The following RP1L1 variants were observed in gnomAD, a reference collection of about 807,000 sequenced individuals.
The protein encoded by RP1L1 is retinitis pigmentosa 1-like 1 protein.
Under a neutral mutation model 15.7 loss-of-function variants are expected in RP1L1, and 27 were observed. That is an observed-to-expected ratio of 1.72 (90% CI 1.27 to 2.38). The LOEUF (loss-of-function observed/expected upper bound fraction) is 2.38, where lower values mean the gene tolerates loss of function less well. Among genes scored for constraint, RP1L1 ranks in the 30% most tolerant of loss-of-function variants. The probability of loss-of-function intolerance (pLI) is 0.00; values close to 1 mark genes in which losing one functional copy is unlikely to be tolerated. For missense variants in RP1L1, 4,798 were observed against 3,075.9 expected (o/e 1.56, Z -13.24); for synonymous variants, 1,813 against 1,276.7 (o/e 1.42, Z -8.96).
intron 2 of RP1L1, among the ~76,000 whole-genome samples, chr8:10,622,077 T>C (rs188619230): frequency 3.5e-4 from 53 of 152,008 alleles, no homozygotes; most frequent in African/African-American, 1.0e-3. Flanking sequence ...ATCCCAGCAC[T>C]TTGGGAGGCC....
chr8:10,612,624 C>G lies in RP1L1; in HGVS notation c.1474G>C (p.Glu492Gln). Residue 492 changes from glutamate to glutamine, a missense_variant, in exon 4 of 4, where the codon GAG becomes CAG. Glu to Gln is a conservative substitution (Grantham distance 29, BLOSUM62 2). Transcript: ENST00000382483. ...CCCAGGCTCCCTCCAGCTTTCCGCT[C>G]AGCCCCTATCTGGGCAGAGGGGCTG... ...SASPSAQIGA[E>Q]RKAGGSLGED... 1 of 1,602,290 alleles carries G rather than the reference C, an allele frequency of 6.2e-7. No homozygotes were observed. The highest frequency in any genetic ancestry group is 8.5e-7 in the Non-Finnish European group (1 of 1,179,340).
At position 10,608,013 on chromosome 8, in the gene RP1L1, A is replaced by T. The variant is rs776017015; in HGVS notation, c.6085T>A (p.Ser2029Thr). 3.2e-6 allele frequency: 5 copies of T among 1,580,842 alleles called. No homozygotes were observed. In the South Asian group the frequency reaches 4.4e-5, roughly 14 times the overall value. The part of the protein sequence containing the change: ...ESDGVEAQPK[S>T]EGEEAQEVEG... ...ACCTCCTGGGCCTCTTCACCTTCTG[A>T]CTTTGGCTGGGCCTCTACACCGTCT... Residue 2029 changes from serine (S) to threonine (T), a missense_variant, in exon 4 of 4, where the codon TCA (serine) becomes ACA (threonine). Physicochemically the swap from Ser to Thr is moderately conservative, Grantham distance 58. Transcript: ENST00000382483.
At chr8:10,616,374 G>A (rs983957537) in intron 3 of RP1L1, 72 bp downstream of exon 3, 16 of 1,596,824 alleles carry the variant, frequency 1.0e-5, no homozygotes, top group African/African-American at 1.3e-5. Flanking sequence ...TTACCTGGAA[G>A]GCTTTCCACT....
chr8:10,610,557 G>C lies in RP1L1; in HGVS notation c.3541C>G (p.Leu1181Val). 6.2e-7 allele frequency: 1 copy of C among 1,613,720 alleles called. No homozygotes were observed. The highest frequency in any genetic ancestry group is 8.5e-7 in the Non-Finnish European group (1 of 1,180,030). The change falls in exon 4 of 4, where the codon CTG becomes GTG. Residue 1181 changes from leucine (L) to valine (V), a missense_variant. By Grantham distance (32) the Leu-to-Val change is conservative. Transcript: ENST00000382483. ...ATGGCATGGGACCCAAGGTCTGGCA[G>C]AGCCTGGCTCCATGTGAGCTCCCAG... is the stretch of plus-strand genomic sequence containing the variant. ...GLWELTWSQA[L>V]PDLGSHAMTE...
chr8:10,613,744 TG>T (rs1182167426), intron 3 of RP1L1, among the ~76,000 whole-genome samples: 1 of 151,488 alleles, frequency 6.6e-6, no homozygotes, highest in East Asian at 1.9e-4. Flanking sequence ...CAGTGAGCTA[TG>T]CACCACTGCG....
chr8:10,622,367 A>G (rs1317607168), intron 2 of RP1L1, among the ~76,000 whole-genome samples: 1 of 151,542 alleles, frequency 6.6e-6, no homozygotes, highest in South Asian at 2.1e-4. Flanking sequence ...ACACAGGCAC[A>G]ATGCCTGCCA....
intron 2 of RP1L1, among the ~76,000 whole-genome samples, chr8:10,618,657 A>G (rs1798009753): frequency 6.6e-6 from 1 of 152,142 alleles, no homozygotes. Flanking sequence ...GGGCCACAGC[A>G]CTCCAAACTG....
chr8:10,614,810 G>C (rs1797939565), intron 3 of RP1L1, among the ~76,000 whole-genome samples: 1 of 151,640 alleles, frequency 6.6e-6, no homozygotes, highest in Admixed American at 6.6e-5. Flanking sequence ...AGCATTAGGA[G>C]ATATACCTAA....
intron 1 of RP1L1, among the ~76,000 whole-genome samples, chr8:10,648,329 G>C (rs1410463516): frequency 6.6e-6 from 1 of 152,076 alleles, no homozygotes; most frequent in African/African-American, 2.4e-5. Flanking sequence ...ACCGCACCTG[G>C]CCAATTTTCT....
Position 10,610,054 on chromosome 8 carries a change from TCCTTCTCCTTCTGTTTC to T in RP1L1, c.4027_4043del (p.Glu1343ThrfsTer12), listed in dbSNP as rs758868868. 2.1e-6 allele frequency: 3 copies of T among 1,460,984 alleles called. No individual in the cohort carries two copies. Among genetic ancestry groups the T allele is most frequent in the Non-Finnish European group, 2.7e-6 (3 of 1,092,888 alleles). 90.5% of individuals were successfully genotyped at this position (1,460,984 alleles called of 1,614,324 possible). On this transcript the variant is annotated frameshift_variant, in exon 4 of 4. Coordinates refer to ENST00000382483, the MANE Select transcript of RP1L1 (RefSeq NM_178857.6). LOFTEE classifies it low-confidence loss of function (END_TRUNC). ...CTAACTGCGCCTCTTCTTCTTGCTG[TCCTTCTCCTTCTGTTTC>T]TTTAGTTTCCTCTAACTGCACCCCC...
intron 1 of RP1L1, among the ~76,000 whole-genome samples, chr8:10,643,254 G>A (rs1306348248): frequency 6.6e-6 from 1 of 152,186 alleles, no homozygotes; most frequent in Non-Finnish European, 1.5e-5. Flanking sequence ...GTGGGAGGAA[G>A]GTTTGAGCCT....
intron 1 of RP1L1, among the ~76,000 whole-genome samples, chr8:10,642,279 T>A (rs1798417998): frequency 6.6e-6 from 1 of 152,238 alleles, no homozygotes; most frequent in Non-Finnish European, 1.5e-5. Context: ...ACTGAGTTCC[T>A]ATTTTGGGGG....
chr8:10,631,427 G>C (rs934694281), intron 1 of RP1L1, among the ~76,000 whole-genome samples: 3 of 139,888 alleles, frequency 2.1e-5, no homozygotes, highest in African/African-American at 7.9e-5. Flanking sequence ...ACACACACAT[G>C]CGCGCACACA....
chr8:10,631,199 A>G (rs1434712111), intron 1 of RP1L1, among the ~76,000 whole-genome samples: 1 of 54,976 alleles, frequency 1.8e-5, no homozygotes, highest in African/African-American at 5.2e-5. Context: ...CAGCACCTGC[A>G]AAAACACACA....
rs761728595 is a variant in RP1L1, at chr8:10,622,970, C to T, written c.232G>A (p.Val78Met). The T allele has an allele frequency of 2.4e-5, 38 of 1,613,972 alleles. No homozygotes were observed. The highest frequency in any genetic ancestry group is 8.3e-5 in the Admixed American group (5 of 59,996). Residue 78 changes from valine (V) to methionine (M), a missense_variant, in exon 2 of 4, where the codon GTG becomes ATG. Physicochemically the swap from Val to Met is conservative, Grantham distance 21. Transcript: ENST00000382483. The stretch of plus-strand genomic sequence containing the variant: ...CCCCGGGGTGTGGTGACAGAGCGCA[C>T]CCCAAAGGAGAGAGGCACGCGCTGG... ...LSQRVPLSFG[V>M]RSVTTPRGLH...
At position 10,608,503 on chromosome 8, in the gene RP1L1, C is replaced by A. The variant is rs907076395; in HGVS notation, c.5595G>T (p.Gly1865=). 1 of 1,311,152 alleles carries A rather than the reference C, an allele frequency of 7.6e-7. No individual in the cohort carries two copies. The highest frequency in any genetic ancestry group is 2.3e-5 in the East Asian group (1 of 44,368). The allele number at this position is 1,311,152 out of a possible 1,614,324, so 81.2% of individuals were successfully genotyped here. A position where few individuals can be genotyped will look rare whatever the true frequency, so the allele number is the denominator to read the frequency against. The change falls in exon 4 of 4, where the codon GGG becomes GGT. Residue 1865 remains glycine, a synonymous_variant. Coordinates refer to ENST00000382483, the MANE Select transcript of RP1L1 (RefSeq NM_178857.6). The part of the protein sequence containing the change: ...EAEGDAQEAE[G]EAQPESEDVE... ...CATCTTCTGACTCTGGCTGGGCCTC[C>A]CCTTCAGCCTCCTGGGCATCCCCTT...
intron 1 of RP1L1, among the ~76,000 whole-genome samples, chr8:10,642,495 A>G (rs945137658): frequency 2.0e-5 from 3 of 152,324 alleles, no homozygotes; most frequent in East Asian, 1.9e-4. Context: ...CCATTTTGTT[A>G]CCATAGTGAA....
At chr8:10,652,242 G>A (rs1422308378) in intron 1 of RP1L1, among the ~76,000 whole-genome samples, 1 of 152,126 alleles carries the variant, frequency 6.6e-6, no homozygotes, top group Non-Finnish European at 1.5e-5. Context: ...CAGGGTTGAA[G>A]GAAATGATTT....
chr8:10,606,959 C>T lies in RP1L1; in HGVS notation c.7139G>A (p.Ser2380Asn). 6.2e-7 allele frequency: 1 copy of T among 1,614,278 alleles called. No homozygotes were observed. The change falls in exon 4 of 4, where the codon AGT becomes AAT. Residue 2380 changes from serine (S) to asparagine (N), a missense_variant. Coordinates refer to ENST00000382483, the MANE Select transcript of RP1L1 (RefSeq NM_178857.6). ...GCCCACTGCCTCAGTGGGGGCGAGA[C>T]TTCCGAGTGCCTGGTCCTCTTGTAG... is the stretch of plus-strand genomic sequence containing the variant. ...YDLQEDQALG[S>N]LAPTEAVGRA...
Sources: gnomAD v4.1 joint callset for allele counts (sites outside exome capture counted in the v4.1 genomes callset) on GRCh38, gnomAD v4.1.1 for gene constraint, MANE v1.5 for transcripts, NCBI Gene and HGNC (gene_info 2026-07-23, HGNC 2026-07-21) for gene names.